Variants in SCML4 observed in about 807,000 individuals in gnomAD.
SCML4 encodes the protein sex comb on midleg-like protein 4.
In SCML4, 34 loss-of-function variants were observed where a neutral mutation model predicts 41.1. The observed-to-expected ratio is 0.83, with a 90% confidence interval of 0.63 to 1.10. The LOEUF is 1.10. SCML4 is among the 50% of genes least tolerant of loss of function. The pLI is 0.00. For missense variants in SCML4, 522 were observed against 534.1 expected, an observed-to-expected ratio of 0.98 and a Z score of 0.22; for synonymous variants, 214 against 220.9, an observed-to-expected ratio of 0.97 and a Z score of 0.28.
In SCML4 at chr6:107,749,791, G is replaced by A; in HGVS notation, c.179C>T (p.Thr60Ile). Residue 60 changes from threonine (T) to isoleucine (I), a missense_variant, in exon 3 of 8, where the codon ACT (threonine) becomes ATT (isoleucine). Coordinates refer to ENST00000369020, the MANE Select transcript of SCML4 (RefSeq NM_198081.5). Reference protein sequence around the residue: ...GYKIKSRVLMTPLALSPPRST... With the variant: ...GYKIKSRVLMIPLALSPPRST... ...CCGCGGAGGTGAGAGGGCTAAGGGA[G>A]TCATGAGAACCCGAGACTTGATCTG... 6.2e-7 allele frequency: 1 copy of A among 1,614,112 alleles called. No individual in the cohort carries two copies. The highest frequency in any genetic ancestry group is 1.7e-4 in the Middle Eastern group (1 of 6,060).
chr6:107,813,282 G>A (rs900991746), intron 1 of SCML4, among the ~76,000 whole-genome samples: 2 of 149,924 alleles, frequency 1.3e-5, no homozygotes, highest in Non-Finnish European at 3.0e-5. Context: ...AGGATGGCTT[G>A]AGCCTGGGAG....
chr6:107,829,778 A>ACATT, the SCML4 span, among the ~76,000 whole-genome samples: 934 of 151,576 alleles, frequency 6.2e-3, 7 homozygotes, highest in South Asian at 1.0e-2. Context: ...ATAAATAAAT[A>ACATT]AATATTGGTT....
intron 1 of SCML4, among the ~76,000 whole-genome samples, chr6:107,775,988 A>T (rs1001764695): frequency 6.6e-6 from 1 of 152,122 alleles, no homozygotes; most frequent in African/African-American, 2.4e-5. Flanking sequence ...ATTTTAAAAA[A>T]ATATTTTTAG....
At chr6:107,800,732 C>T (rs1783055433) in intron 1 of SCML4, among the ~76,000 whole-genome samples, 1 of 152,208 alleles carries the variant, frequency 6.6e-6, no homozygotes, top group Non-Finnish European at 1.5e-5. Flanking sequence ...TACTTCTTTG[C>T]CAGTTGGCTT....
At chr6:107,777,332 G>T (rs1297192857) in intron 1 of SCML4, among the ~76,000 whole-genome samples, 1 of 152,118 alleles carries the variant, frequency 6.6e-6, no homozygotes, top group African/African-American at 2.4e-5. Context: ...TTGCATGATT[G>T]GTCTTGAACT....
At chr6:107,797,286 C>G (rs867070689) in intron 1 of SCML4, among the ~76,000 whole-genome samples, 11 of 152,202 alleles carry the variant, frequency 7.2e-5, no homozygotes, top group Admixed American at 2.0e-4. Context: ...TCTCCATTTA[C>G]TTAAGACTTC....
chr6:107,788,146 C>T (rs1010242843), intron 1 of SCML4, among the ~76,000 whole-genome samples: 2 of 152,210 alleles, frequency 1.3e-5, no homozygotes, highest in Non-Finnish European at 2.9e-5. Flanking sequence ...GATTTTGTTT[C>T]TCCACATTTG....
At chr6:107,832,048 G>A in the SCML4 span, among the ~76,000 whole-genome samples, 6 of 145,398 alleles carry the variant, frequency 4.1e-5, no homozygotes, top group Admixed American at 2.1e-4. Flanking sequence ...GGGCAACAGA[G>A]GGAGACTCTG....
In SCML4 at chr6:107,720,690, T is replaced by C. The variant is rs771818330; in HGVS notation, c.973+13A>G. The C allele has an allele frequency of 1.2e-5, 19 of 1,528,114 alleles. No homozygotes were observed. Among genetic ancestry groups the C allele is most frequent in the Admixed American group, 4.3e-5 (2 of 46,254 alleles). 94.7% of individuals were successfully genotyped at this position (1,528,114 alleles called of 1,614,324 possible). The stretch of plus-strand genomic sequence containing the variant: ...GTTAAGTCAGTGGGAAGCTGATGCA[T>C]GCATTACATTACCACATCTGTTTCC... On this transcript the variant is annotated intron_variant, in intron 6 of 7. Coordinates refer to ENST00000369020, the MANE Select transcript of SCML4 (RefSeq NM_198081.5).
chr6:107,841,621 G>T, the SCML4 span, among the ~76,000 whole-genome samples: 1 of 152,192 alleles, frequency 6.6e-6, no homozygotes, highest in African/African-American at 2.4e-5. Context: ...AAAATAGATT[G>T]ACTGTATGAA....
the SCML4 span, among the ~76,000 whole-genome samples, chr6:107,841,329 C>T: frequency 5.3e-5 from 8 of 152,138 alleles, no homozygotes; most frequent in Non-Finnish European, 1.2e-4. Flanking sequence ...TAGTCATCAC[C>T]TTTCTAATAG....
chr6:107,720,890 G>A lies in SCML4; in HGVS notation c.786C>T (p.His262=), dbSNP rs1583404101. 3.7e-6 allele frequency: 6 copies of A among 1,614,184 alleles called. No individual in the cohort carries two copies. Among genetic ancestry groups the A allele is most frequent in the Non-Finnish European group, 5.1e-6 (6 of 1,180,022 alleles). Residue 262 remains histidine (H), a synonymous_variant, in exon 6 of 8, where the codon CAC becomes CAT. Transcript: ENST00000369020. Reference sequence around the variant, plus strand: ...TCTTGCAGTACAGCGAGGAGGAGGGGTGCAAGGAGCCCCTGTGGTTAAAGG... The same window carrying A: ...TCTTGCAGTACAGCGAGGAGGAGGGATGCAAGGAGCCCCTGTGGTTAAAGG... ...ASTFNHRGSL[H]PSSSLYCKRQ...
intron 1 of SCML4, among the ~76,000 whole-genome samples, chr6:107,796,457 G>C (rs1348239200): frequency 6.6e-6 from 1 of 152,080 alleles, no homozygotes; most frequent in South Asian, 2.1e-4. Flanking sequence ...TGAAATGGCT[G>C]TTCAAGTCTT....
chr6:107,807,071 T>A (rs1260662166), intron 1 of SCML4, among the ~76,000 whole-genome samples: 3 of 152,110 alleles, frequency 2.0e-5, no homozygotes, highest in Non-Finnish European at 2.9e-5. Flanking sequence ...CTTTTTTTTT[T>A]TTTTTTTGGC....
chr6:107,752,742 T>C (rs1778794246), intron 2 of SCML4, among the ~76,000 whole-genome samples: 1 of 152,172 alleles, frequency 6.6e-6, no homozygotes, highest in Non-Finnish European at 1.5e-5. Context: ...TGGGTTGAAT[T>C]GGGATAAGAA....
At chr6:107,798,504 A>G (rs1057039249) in intron 1 of SCML4, among the ~76,000 whole-genome samples, 3 of 151,566 alleles carry the variant, frequency 2.0e-5, no homozygotes, top group Non-Finnish European at 3.0e-5. Flanking sequence ...TTCTTGATCA[A>G]TCTTGCTTGG....
In SCML4 at chr6:107,749,763, A is replaced by G; in HGVS notation, c.207T>C (p.Ser69=). The G allele has an allele frequency of 6.2e-7, 1 of 1,613,312 alleles. No homozygotes were observed. Among genetic ancestry groups the G allele is most frequent in the East Asian group, 2.2e-5 (1 of 44,862 alleles). ...MTPLALSPPR[S]TPEPDLSSIP... ...TGGAGCTGAGGTCGGGCTCTGGGGT[A>G]CTCCGCGGAGGTGAGAGGGCTAAGG... The change falls in exon 3 of 8, where the codon AGT becomes AGC. Residue 69 remains serine, a synonymous_variant. Coordinates refer to ENST00000369020, the MANE Select transcript of SCML4 (RefSeq NM_198081.5).
At position 107,703,660 on chromosome 6, in the gene SCML4, C is replaced by A. The variant is rs570568834; in HGVS notation, c.*1540G>T. On this transcript the variant is annotated 3_prime_UTR_variant, in exon 8 of 8. Transcript: ENST00000369020. ...GATCAAGCGGTGAGGAGGTTGAGCC[C>A]CCACCCTGCTCCACTTGCCAGCTGA... is the stretch of plus-strand genomic sequence containing the variant. Among the ~76,000 whole-genome samples, 1 of 152,254 alleles carries A rather than the reference C, an allele frequency of 6.6e-6. No individual in the cohort carries two copies. The highest frequency in any genetic ancestry group is 1.5e-5 in the Non-Finnish European group (1 of 68,012).
At chr6:107,824,451 A>G, upstream of SCML4, 1 of 147,014 alleles carries the variant, frequency 6.8e-6, no homozygotes, top group Non-Finnish European at 1.5e-5. Context: ...TACATGCAGA[A>G]AACGAGGCCT....
Sources: allele counts gnomAD v4.1 joint callset (sites outside exome capture counted in the v4.1 genomes callset), GRCh38; gene constraint gnomAD v4.1.1; transcripts MANE v1.5; gene names NCBI Gene and HGNC (gene_info 2026-07-23, HGNC 2026-07-21).